Variants in SPATC1 observed in about 807,000 individuals in gnomAD.
SPATC1 encodes spermatogenesis and centriole associated 1.
In SPATC1, 35 loss-of-function variants were observed where a neutral mutation model predicts 36.5. The ratio of observed to expected loss-of-function variants is 0.96; its 90% confidence interval spans 0.73 to 1.27. The LOEUF (loss-of-function observed/expected upper bound fraction) is 1.27, where lower values mean the gene tolerates loss of function less well. SPATC1 is among the 50% of genes most tolerant of loss of function. The pLI, the probability that SPATC1 is intolerant of heterozygous loss-of-function variation, is 0.00. For synonymous variants in SPATC1, 361 were observed against 353.6 expected (o/e 1.02, Z -0.24); for missense variants, 779 against 796.0 (o/e 0.98, Z 0.26).
At chr8:144,044,483 C>A (rs186012559) in intron 4 of SPATC1, among the ~76,000 whole-genome samples, 4,822 of 143,794 alleles carry the variant, frequency 0.034, 103 homozygotes, top group Non-Finnish European at 0.052. Context: ...TTTTTTTTTG[C>A]ATTTTTAGTA....
intron 1 of SPATC1, among the ~76,000 whole-genome samples, chr8:144,017,410 T>C (rs1834416426): frequency 6.6e-6 from 1 of 152,086 alleles, no homozygotes; most frequent in South Asian, 2.1e-4. Context: ...CAGCCCTACC[T>C]CTGAAATCCC....
At chr8:144,025,734 T>C (rs1312363060) in intron 1 of SPATC1, among the ~76,000 whole-genome samples, 4 of 152,122 alleles carry the variant, frequency 2.6e-5, no homozygotes, top group Non-Finnish European at 4.4e-5. Flanking sequence ...TGAGATCTCA[T>C]CAGTGATTCT....
chr8:144,046,820 GC>G lies in SPATC1; in HGVS notation c.1644del (p.Tyr549ThrfsTer63). ...ERPELAASEG[G>X]PYTVDFLQRV... ...CCGGAGCTGGCGGCGTCTGAGGGCG[GC>G]CCCTACACCGTGGACTTCCTGCAGC... On this transcript the variant is annotated frameshift_variant, in exon 5 of 5. Coordinates refer to ENST00000377470, the MANE Select transcript of SPATC1 (RefSeq NM_198572.3). LOFTEE classifies it high-confidence loss of function. The surrounding 1 kb of genome is among the most constrained non-coding windows in gnomAD (Gnocchi z 6.6). 6.2e-7 allele frequency: 1 copy of G among 1,604,564 alleles called. No individual in the cohort carries two copies.
At chr8:144,021,494 C>T (rs1834534140) in intron 1 of SPATC1, among the ~76,000 whole-genome samples, 1 of 120,418 alleles carries the variant, frequency 8.3e-6, no homozygotes, top group African/African-American at 3.0e-5. Flanking sequence ...TCCCTCAGGA[C>T]CTCCTTCCCT....
intron 1 of SPATC1, among the ~76,000 whole-genome samples, chr8:144,017,124 C>T (rs782345884): frequency 2.6e-5 from 4 of 152,120 alleles, no homozygotes; most frequent in Non-Finnish European, 4.4e-5. Flanking sequence ...AATCCATTCA[C>T]GTTATTTAAT....
chr8:144,037,868 G>T lies in SPATC1; in HGVS notation c.212-2041G>T, dbSNP rs1264516153. ...AATTTTGGCCGGGCTCGGTGGCCAC[G>T]CCTGTAATCCCAGCACTTTGGGAGG... On this transcript the variant is annotated intron_variant, in intron 1 of 4. Coordinates refer to ENST00000377470, the MANE Select transcript of SPATC1 (RefSeq NM_198572.3). 3.3e-5 allele frequency among the ~76,000 whole-genome samples: 5 copies of T among 151,206 alleles called. No individual in the cohort carries two copies. In the East Asian group the frequency reaches 7.8e-4, roughly 23 times the overall value.
rs1227047122 is a variant in SPATC1 at position 144,040,575 on chromosome 8, C to T, written c.774C>T (p.Leu258=). ...TTCCCTCCACATCACTAGTCCCACTCTCCACTGAGCCCCCCCAGTCGACCC... is the reference window on the plus strand; with the variant it reads ...TTCCCTCCACATCACTAGTCCCACTTTCCACTGAGCCCCCCCAGTCGACCC... ...VVPTATTKVP[L]STEPPQSTQD... The change falls in exon 3 of 5, where the codon CTC becomes CTT. Residue 258 remains leucine, a synonymous_variant. Transcript: ENST00000377470. The T allele has an allele frequency of 4.4e-6, 7 of 1,590,890 alleles. No individual in the cohort carries two copies. The East Asian group carries it at 1.6e-4, about 36-fold the overall frequency.
intron 1 of SPATC1, among the ~76,000 whole-genome samples, chr8:144,038,614 A>C (rs1327002269): frequency 2.0e-5 from 3 of 151,488 alleles, no homozygotes; most frequent in Admixed American, 2.0e-4. Context: ...AGCTGGGACT[A>C]CAGGTGTGTG....
chr8:144,033,808 A>G (rs924786671), intron 1 of SPATC1, among the ~76,000 whole-genome samples: 73 of 152,294 alleles, frequency 4.8e-4, no homozygotes, highest in Non-Finnish European at 8.1e-4. Flanking sequence ...TTCTCAGTCC[A>G]TGCTGAAATA....
In SPATC1 at chr8:144,041,256, G is replaced by A. The variant is rs1258397570; in HGVS notation, c.1331G>A (p.Arg444Lys). The change falls in exon 4 of 5, where the codon AGG (arginine) becomes AAG (lysine). Residue 444 changes from arginine (R) to lysine (K), a missense_variant. By Grantham distance (26) the Arg-to-Lys change is conservative. Transcript: ENST00000377470. ...PRESKQLAWE[R>K]LVGEIAFQLD... is the part of the protein sequence containing the mutation. ...GAGTCGAAGCAGCTGGCCTGGGAGA[G>A]GCTGGTGGGTGAGATTGCCTTCCAG... The A allele has an allele frequency of 1.2e-6, 2 of 1,613,010 alleles. No homozygotes were observed. The highest frequency in any genetic ancestry group is 2.7e-5 in the African/African-American group (2 of 74,948).
intron 1 of SPATC1, among the ~76,000 whole-genome samples, chr8:144,018,494 A>G (rs1834435053): frequency 6.6e-6 from 1 of 152,142 alleles, no homozygotes; most frequent in Non-Finnish European, 1.5e-5. Context: ...TGTGGAAAGA[A>G]GAGGCCAGGA....
At chr8:144,042,311 A>ATATATATT (rs1412021347) in intron 4 of SPATC1, among the ~76,000 whole-genome samples, 8 of 23,880 alleles carry the variant, frequency 3.4e-4, no homozygotes, top group Admixed American at 7.0e-4. Flanking sequence ...ATATATATAT[A>ATATATATT]TTTTTTTTTT....
chr8:144,033,620 T>C (rs993746913), intron 1 of SPATC1, among the ~76,000 whole-genome samples: 9 of 152,216 alleles, frequency 5.9e-5, no homozygotes, highest in Non-Finnish European at 1.3e-4. Flanking sequence ...AGTTGCTACC[T>C]GTCTGGCTAG....
In SPATC1 at chr8:144,012,662, C is replaced by T. The variant is rs782232486; in HGVS notation, c.147C>T (p.Gly49=). 9.7e-6 allele frequency: 15 copies of T among 1,551,584 alleles called. No individual in the cohort carries two copies. In the South Asian group the frequency reaches 1.8e-4, roughly 18 times the overall value. The stretch of plus-strand genomic sequence containing the variant: ...TCAAGACTCAGGCAGGCGGGCTCGG[C>T]ATCAGCGGGTTCACGAGTGGGCTTG... ...SAIKTQAGGL[G]ISGFTSGLGE... The change falls in exon 1 of 5, where the codon GGC becomes GGT. Residue 49 remains glycine, a synonymous_variant. Transcript: ENST00000377470.
At chr8:144,044,821 C>T (rs929748892) in intron 4 of SPATC1, among the ~76,000 whole-genome samples, 2 of 152,052 alleles carry the variant, frequency 1.3e-5, no homozygotes, top group African/African-American at 2.4e-5. Context: ...TGGAGGCATA[C>T]GCCTGTAATC....
At chr8:144,041,822 T>G (rs1835109565) in intron 4 of SPATC1, among the ~76,000 whole-genome samples, 1 of 152,236 alleles carries the variant, frequency 6.6e-6, no homozygotes, top group South Asian at 2.1e-4. Flanking sequence ...CATTCCCGGC[T>G]GCTTTTTCTC....
rs370234592 is a variant in SPATC1 at position 144,041,100 on chromosome 8, C to T, written c.1299C>T (p.Asn433=). 62 of 1,579,684 alleles carry T rather than the reference C, an allele frequency of 3.9e-5. No homozygotes were observed. The East Asian group carries it at 6.7e-4, about 17-fold the overall frequency. The change falls in exon 3 of 5, where the codon AAC becomes AAT. Residue 433 remains asparagine (N), a synonymous_variant. Coordinates refer to ENST00000377470, the MANE Select transcript of SPATC1 (RefSeq NM_198572.3). ...GCAAGACCAGCAAGTTCCCCGAGAA[C>T]CCCCGAGGTCAGTGACACTGCGGGC... ...AHRKTSKFPE[N]PRESKQLAWE... is the part of the protein sequence containing the mutation.
At chr8:144,028,257 G>A (rs1011160998) in intron 1 of SPATC1, among the ~76,000 whole-genome samples, 3 of 151,884 alleles carry the variant, frequency 2.0e-5, no homozygotes, top group Non-Finnish European at 2.9e-5. Flanking sequence ...ACTATCATCA[G>A]AGCAAACAGA....
intron 1 of SPATC1, among the ~76,000 whole-genome samples, chr8:144,014,186 G>C (rs1292185119): frequency 6.6e-6 from 1 of 152,112 alleles, no homozygotes; most frequent in African/African-American, 2.4e-5. Context: ...GGGAGGCAGA[G>C]GTTGCAGTGA....
Sources: allele counts gnomAD v4.1 joint callset (sites outside exome capture counted in the v4.1 genomes callset), GRCh38; gene constraint gnomAD v4.1.1; non-coding constraint Gnocchi (gnomAD v3.1); transcripts MANE v1.5; gene names NCBI Gene and HGNC (gene_info 2026-07-23, HGNC 2026-07-21).